CAMTA1: variants seen among roughly 807,000 people sequenced by gnomAD.
The protein encoded by CAMTA1 is calmodulin-binding transcription activator 1.
CAMTA1 carries 27 observed loss-of-function variants against 170.9 expected under a neutral mutation model. The ratio of observed to expected loss-of-function variants is 0.16; its 90% CI spans 0.12 to 0.22. CAMTA1 has a LOEUF of 0.22. CAMTA1 is among the 10% of genes least tolerant of loss of function. The probability of loss-of-function intolerance (pLI) is 1.00; values close to 1 mark genes in which losing one functional copy is unlikely to be tolerated. For synonymous variants in CAMTA1, 833 were observed against 891.5 expected (o/e 0.93, Z 1.17); for missense variants, 1,619 against 2,217.2 (o/e 0.73, Z 5.42).
intron 6 of CAMTA1, among the ~76,000 whole-genome samples, chr1:7,556,804 T>C (rs958092779): frequency 6.6e-6 from 1 of 152,052 alleles, no homozygotes. Context: ...GCCTCTGTGG[T>C]GGGAATTTTG....
chr1:7,605,033 C>T (rs1253634570), intron 6 of CAMTA1, among the ~76,000 whole-genome samples: 1 of 152,124 alleles, frequency 6.6e-6, no homozygotes, highest in Non-Finnish European at 1.5e-5. Flanking sequence ...CTGATCATTC[C>T]TCTGGAAGTT....
chr1:7,579,552 CTTTTTTTTTTTT>C (rs3034816), intron 6 of CAMTA1, among the ~76,000 whole-genome samples: 3 of 79,194 alleles, frequency 3.8e-5, no homozygotes, highest in African/African-American at 5.9e-5. Flanking sequence ...CTTTTCTTTT[CTTTTTTTTTTTT>C]TTTTTTTTTT....
intron 11 of CAMTA1, among the ~76,000 whole-genome samples, chr1:7,724,931 G>A (rs970805042): frequency 2.6e-5 from 4 of 151,976 alleles, no homozygotes; most frequent in Non-Finnish European, 2.9e-5. Context: ...GAGGTGCAAA[G>A]TGGGAATCAT....
At chr1:7,292,204 C>T (rs138083035) in intron 5 of CAMTA1, among the ~76,000 whole-genome samples, 46 of 152,186 alleles carry the variant, frequency 3.0e-4, no homozygotes, top group African/African-American at 1.0e-3. Context: ...GCTTGTTCTG[C>T]GGCTTCCTGG....
At chr1:7,755,393 T>C (rs907933019) in intron 21 of CAMTA1, among the ~76,000 whole-genome samples, 2 of 143,834 alleles carry the variant, frequency 1.4e-5, no homozygotes, top group African/African-American at 2.6e-5. Context: ...GGTAGGTAGA[T>C]AGTAGCTTCA....
rs138532506 is a variant in CAMTA1, at chr1:7,107,146, A to C, written c.302+15775A>C. Among the ~76,000 whole-genome samples the C allele has an allele frequency of 5.3e-3, 805 of 152,246 alleles. 4 individuals carry two copies. The highest frequency in any genetic ancestry group is 0.018 in the African/African-American group (744 of 41,546). On this transcript the variant is annotated intron_variant, in intron 4 of 22. Transcript: ENST00000303635. Reference sequence around the variant, plus strand: ...TTTGTAGTAGGCACTGTGGGGTTACAAAGGCAGTGGAAAACATGGCCCCTG... The same window carrying C: ...TTTGTAGTAGGCACTGTGGGGTTACCAAGGCAGTGGAAAACATGGCCCCTG...
chr1:7,424,452 G>T (rs769623219), intron 5 of CAMTA1, among the ~76,000 whole-genome samples: 1 of 151,694 alleles, frequency 6.6e-6, no homozygotes, highest in Non-Finnish European at 1.5e-5. Context: ...GGGAGGATGA[G>T]GGGGGGTGGG....
chr1:7,112,338 C>A (rs1644110603), intron 4 of CAMTA1, among the ~76,000 whole-genome samples: 1 of 152,206 alleles, frequency 6.6e-6, no homozygotes, highest in Non-Finnish European at 1.5e-5. Flanking sequence ...ATTTTAATAA[C>A]ACCCATATTT....
At chr1:7,190,694 G>GC (rs796376136) in intron 4 of CAMTA1, among the ~76,000 whole-genome samples, 86 of 152,272 alleles carry the variant, frequency 5.6e-4, no homozygotes, top group African/African-American at 1.9e-3. Flanking sequence ...AGTAAGCCCA[G>GC]CCTGCAAGTC....
intron 4 of CAMTA1, among the ~76,000 whole-genome samples, chr1:7,141,730 A>G (rs1393509562): frequency 6.6e-6 from 1 of 152,186 alleles, no homozygotes; most frequent in Admixed American, 6.5e-5. Flanking sequence ...TGAATATTTT[A>G]TTACTCTAAT....
At chr1:7,320,813 A>C (rs1678298865) in intron 5 of CAMTA1, among the ~76,000 whole-genome samples, 1 of 152,012 alleles carries the variant, frequency 6.6e-6, no homozygotes, top group South Asian at 2.1e-4. Context: ...CACATTCAAG[A>C]AGAGGAAATG....
chr1:6,904,579 G>A (rs116620308), intron 3 of CAMTA1, among the ~76,000 whole-genome samples: 2 of 144,138 alleles, frequency 1.4e-5, no homozygotes, highest in African/African-American at 5.2e-5. Flanking sequence ...TTTTGAGACA[G>A]AGTCTTCCTC....
intron 6 of CAMTA1, among the ~76,000 whole-genome samples, chr1:7,519,279 A>AG (rs2094328590): frequency 6.6e-6 from 1 of 151,962 alleles, no homozygotes; most frequent in Non-Finnish European, 1.5e-5. Flanking sequence ...GCAGGTGGGC[A>AG]GGGGCCAGGA....
At chr1:7,174,421 G>A (rs183932108) in intron 4 of CAMTA1, among the ~76,000 whole-genome samples, 138 of 152,314 alleles carry the variant, frequency 9.1e-4, no homozygotes, top group Middle Eastern at 6.8e-3. Context: ...TATAAATCTT[G>A]GGAACATAAA....
chr1:7,318,330 A>G (rs548197013), intron 5 of CAMTA1, among the ~76,000 whole-genome samples: 1 of 152,212 alleles, frequency 6.6e-6, no homozygotes, highest in Non-Finnish European at 1.5e-5. Flanking sequence ...TTGGTCAGTG[A>G]CTGGTTGGCT....
chr1:7,117,695 G>T (rs1040214031), intron 4 of CAMTA1, among the ~76,000 whole-genome samples: 1 of 152,142 alleles, frequency 6.6e-6, no homozygotes, highest in Admixed American at 6.5e-5. Flanking sequence ...GCTGGCTTAT[G>T]CAACTCCTTA....
chr1:7,693,735 T>C (rs1446340738), intron 11 of CAMTA1: 1 of 152,254 alleles, frequency 6.6e-6, no homozygotes, highest in East Asian at 1.9e-4. Context: ...TGTGTGACAG[T>C]ACCCATGGAG....
At chr1:7,136,541 T>G (rs534272337) in intron 4 of CAMTA1, among the ~76,000 whole-genome samples, 1 of 152,306 alleles carries the variant, frequency 6.6e-6, no homozygotes, top group East Asian at 1.9e-4. Flanking sequence ...AAAAAAGCCT[T>G]TCTTATTGCT....
intron 22 of CAMTA1, among the ~76,000 whole-genome samples, chr1:7,756,649 T>G (rs1457744110): frequency 6.6e-6 from 1 of 151,854 alleles, no homozygotes; most frequent in East Asian, 1.9e-4. Context: ...AGGAGTTCAG[T>G]GCCAGCCTGG....
Sources: allele counts gnomAD v4.1 joint callset (sites outside exome capture counted in the v4.1 genomes callset), GRCh38; gene constraint gnomAD v4.1.1; transcripts MANE v1.5; gene names NCBI Gene and HGNC (gene_info 2026-07-23, HGNC 2026-07-21).